VEGFD: variants seen among roughly 807,000 people sequenced by gnomAD.
The protein encoded by VEGFD is vascular endothelial growth factor D, also known as c-fos induced growth factor (vascular endothelial growth factor D).
In VEGFD, 26 loss-of-function variants were observed where a neutral mutation model predicts 28.0. That is an observed-to-expected ratio of 0.93 (90% CI 0.68 to 1.29). The LOEUF (loss-of-function observed/expected upper bound fraction) is 1.29, where lower values mean the gene tolerates loss of function less well. Among genes scored for constraint, VEGFD ranks in the 50% most tolerant of loss-of-function variants. The probability of loss-of-function intolerance (pLI) is 0.00; values close to 1 mark genes in which losing one functional copy is unlikely to be tolerated. For missense variants in VEGFD, 294 were observed against 273.4 expected, an observed-to-expected ratio of 1.08 and a Z score of -0.53; for synonymous variants, 93 against 95.5, an observed-to-expected ratio of 0.97 and a Z score of 0.15.
At chrX:15,351,476 A>T (rs1922729023) in intron 5 of VEGFD, among the ~76,000 whole-genome samples, 1 of 111,152 alleles carries the variant, frequency 9.0e-6, no homozygotes, top group Admixed American at 9.5e-5. Context: ...CGGCCTCCCA[A>T]AGTGCTAGGA....
chrX:15,377,796 T>C (rs1602232152), intron 1 of VEGFD, among the ~76,000 whole-genome samples: 1 of 111,318 alleles, frequency 9.0e-6, no homozygotes, highest in East Asian at 2.8e-4. Flanking sequence ...CCTCCCTCTG[T>C]CATAGTGATT....
chrX:15,351,690 G>A (rs905460502), intron 5 of VEGFD, among the ~76,000 whole-genome samples: 4 of 112,368 alleles, frequency 3.6e-5, no homozygotes, highest in African/African-American at 1.3e-4. Context: ...GAAATAGAGA[G>A]TCTAAATTGA....
At chrX:15,369,729 A>G (rs1923261126) in intron 1 of VEGFD, among the ~76,000 whole-genome samples, 1 of 111,706 alleles carries the variant, frequency 9.0e-6, no homozygotes, top group African/African-American at 3.3e-5. Flanking sequence ...GCAAAGGGAC[A>G]TAACGGACCT....
intron 5 of VEGFD, 110 bp from the exon 6 acceptor site, chrX:15,347,469 C>T (rs1922585184): frequency 3.5e-6 from 2 of 574,292 alleles, no homozygotes; most frequent in East Asian, 3.6e-5. Context: ...TTCACCCAAT[C>T]TCCTTCCTAT....
At chrX:15,374,958 A>C (rs1425387817) in intron 1 of VEGFD, among the ~76,000 whole-genome samples, 1 of 110,518 alleles carries the variant, frequency 9.0e-6, no homozygotes, top group East Asian at 2.8e-4. Context: ...GCACACAATA[A>C]ATGTTGCATT....
At chrX:15,367,087 G>T (rs1258830106) in intron 1 of VEGFD, among the ~76,000 whole-genome samples, 2 of 111,902 alleles carry the variant, frequency 1.8e-5, no homozygotes, top group Non-Finnish European at 3.8e-5. Context: ...AAAAGCATAT[G>T]CAGGAGAGCT....
chrX:15,369,655 C>A (rs1190216259), intron 1 of VEGFD, among the ~76,000 whole-genome samples: 2 of 111,288 alleles, frequency 1.8e-5, no homozygotes, highest in African/African-American at 6.5e-5. Flanking sequence ...AAGTTTCCAG[C>A]CCCTAGAGAC....
rs1219423524 is a variant in VEGFD at position 15,375,398 on chromosome X, G to A, written c.90+8459C>T. Among the ~76,000 whole-genome samples the A allele has an allele frequency of 4.5e-5, 5 of 111,855 alleles. No individual in the cohort carries two copies. The East Asian group carries it at 1.1e-3, about 25-fold the overall frequency. ...GAACAGATGACACCTGATGGTATAGGGTGTACTAACTAGGGCAGGGAGAAC... is the reference window on the plus strand; with the variant it reads ...GAACAGATGACACCTGATGGTATAGAGTGTACTAACTAGGGCAGGGAGAAC... On this transcript the variant is annotated intron_variant, in intron 1 of 6. Transcript: ENST00000297904.
intron 1 of VEGFD, among the ~76,000 whole-genome samples, chrX:15,382,636 A>T (rs962335836): frequency 2.7e-5 from 3 of 111,828 alleles, no homozygotes; most frequent in Non-Finnish European, 5.6e-5. Context: ...TTACAGTCAG[A>T]TTCCCATTTA....
Position 15,363,062 on chromosome X carries a change from A to G in VEGFD, c.301+47T>C, listed in dbSNP as rs16979845. ...TTTGGAGAAAGTAAGTGTGTTTGTC[A>G]CTATCTAATAAAGAGAAAGAATTTG... On this transcript the variant is annotated intron_variant, in intron 2 of 6. Transcript: ENST00000297904. 2.5e-3 allele frequency: 2,780 copies of G among 1,117,003 alleles called. 28 individuals carry two copies. In the African/African-American group the frequency reaches 0.039, roughly 16 times the overall value. The allele number at this position is 1,117,003 out of a possible 1,213,427, so 92.1% of individuals were successfully genotyped here. A position where few individuals can be genotyped will look rare whatever the true frequency, so the allele number is the denominator to read the frequency against.
intron 1 of VEGFD, among the ~76,000 whole-genome samples, chrX:15,371,609 T>G (rs765550540): frequency 1.8e-5 from 2 of 111,940 alleles, no homozygotes; most frequent in Admixed American, 9.5e-5. Context: ...GCTCACTGAT[T>G]TTTGAAAAGC....
intron 1 of VEGFD, among the ~76,000 whole-genome samples, chrX:15,368,338 A>G (rs1455461870): frequency 8.9e-6 from 1 of 112,454 alleles, no homozygotes; most frequent in Non-Finnish European, 1.9e-5. Context: ...TGGCTCATAC[A>G]ACTTGCCTCA....
In VEGFD at chrX:15,345,775, G is replaced by A; in HGVS notation, c.*358C>T. The A allele has an allele frequency of 5.9e-6, 1 of 168,192 alleles. No individual in the cohort carries two copies. The highest frequency in any genetic ancestry group is 1.1e-5 in the Non-Finnish European group (1 of 88,426). 13.9% of individuals were successfully genotyped at this position (168,192 alleles called of 1,213,427 possible). A position where few individuals can be genotyped will look rare whatever the true frequency, so the allele number is the denominator to read the frequency against. ...ATTCACAAGAGTTGCGATTAGCAAA[G>A]GACTCAGAGACTACAGTTTTCCTCA... On this transcript the variant is annotated 3_prime_UTR_variant, in exon 7 of 7. Coordinates refer to ENST00000297904, the MANE Select transcript of VEGFD (RefSeq NM_004469.5).
At chrX:15,372,881 A>G (rs781621135) in intron 1 of VEGFD, among the ~76,000 whole-genome samples, 1 of 111,766 alleles carries the variant, frequency 8.9e-6, no homozygotes, top group East Asian at 2.8e-4. Context: ...TCCTATCTCA[A>G]GATACCTGAC....
At chrX:15,374,457 A>G (rs1923386228) in intron 1 of VEGFD, among the ~76,000 whole-genome samples, 1 of 112,334 alleles carries the variant, frequency 8.9e-6, no homozygotes, top group Non-Finnish European at 1.9e-5. Context: ...AAACTGCTAC[A>G]TACTGTATGA....
chrX:15,375,234 G>C (rs1326801664), intron 1 of VEGFD, among the ~76,000 whole-genome samples: 1 of 112,039 alleles, frequency 8.9e-6, no homozygotes, highest in East Asian at 2.8e-4. Context: ...TTTTAAAATG[G>C]TTCTAGGAGG....
intron 1 of VEGFD, among the ~76,000 whole-genome samples, chrX:15,364,951 C>T (rs776812032): frequency 1.2e-4 from 13 of 111,406 alleles, no homozygotes; most frequent in Non-Finnish European, 1.5e-4. Context: ...TGAGAGTTGT[C>T]CAAAAATGGG....
At chrX:15,372,439 C>CA (rs57193883) in intron 1 of VEGFD, among the ~76,000 whole-genome samples, 6,221 of 103,732 alleles carry the variant, frequency 0.06, 174 homozygotes, top group African/African-American at 0.099. Flanking sequence ...AAAGCTCTCA[C>CA]AAAAAAAAAA....
At chrX:15,369,623 A>G (rs994405009) in intron 1 of VEGFD, among the ~76,000 whole-genome samples, 3 of 111,671 alleles carry the variant, frequency 2.7e-5, no homozygotes, top group African/African-American at 9.8e-5. Context: ...AATTTATTAT[A>G]CAACCAACTA....
Sources: allele counts gnomAD v4.1 joint callset (sites outside exome capture counted in the v4.1 genomes callset), GRCh38; gene constraint gnomAD v4.1.1; transcripts MANE v1.5; gene names NCBI Gene and HGNC (gene_info 2026-07-23, HGNC 2026-07-21).